Variants in TTC6 observed in about 807,000 individuals in gnomAD.
TTC6 encodes the protein tetratricopeptide repeat domain 6, also known as tetratricopeptide repeat protein 6.
In TTC6, 172 loss-of-function variants were observed where a neutral mutation model predicts 210.4. The ratio of observed to expected loss-of-function variants is 0.82; its 90% CI spans 0.72 to 0.93. TTC6 has a LOEUF of 0.93. TTC6 is among the 40% of genes least tolerant of loss of function. The pLI is 0.00. For synonymous variants in TTC6, 804 were observed against 819.6 expected (o/e 0.98, Z 0.32); for missense variants, 2,414 against 2,318.1 (o/e 1.04, Z -0.85).
exon 27 of TTC6, chr14:37,823,905 A>C: frequency 1.2e-6 from 2 of 1,614,054 alleles, no homozygotes; most frequent in Non-Finnish European, 1.7e-6. Flanking sequence ...AAAGCACTGC[A>C]TATTAATCCA....
intron 14 of TTC6, among the ~76,000 whole-genome samples, chr14:37,766,757 T>A (rs1430680646): frequency 1.3e-5 from 2 of 152,180 alleles, no homozygotes; most frequent in African/African-American, 4.8e-5. Context: ...GAATGGTAAT[T>A]CTGCTTTGAG....
chr14:37,783,626 C>T (rs1359258451), intron 14 of TTC6, among the ~76,000 whole-genome samples: 7 of 152,066 alleles, frequency 4.6e-5, no homozygotes, highest in African/African-American at 1.7e-4. Context: ...GTGTCTCTAT[C>T]TCCCTGAGTT....
At chr14:37,700,939 A>G (rs868228028) in intron 4 of TTC6, among the ~76,000 whole-genome samples, 17 of 152,196 alleles carry the variant, frequency 1.1e-4, no homozygotes, top group Admixed American at 2.0e-4. Flanking sequence ...CTTTAGGGAC[A>G]TTAGCATTTG....
rs1358958409 is a variant in TTC6 at position 37,776,084 on chromosome 14, T to C, written c.3267-11384T>C. On this transcript the variant is annotated intron_variant, in intron 14 of 30. Coordinates refer to ENST00000553443, the Ensembl canonical transcript of TTC6. The stretch of plus-strand genomic sequence containing the variant: ...TTTTTTTTTTGAGACGGAGTCTCGC[T>C]CTGTCGCCCAGGCTGGAGTGCAGTG... Among the ~76,000 whole-genome samples, 4 of 72,080 alleles carry C rather than the reference T, an allele frequency of 5.5e-5. 1 individual carries two copies. The highest frequency in any genetic ancestry group is 1.9e-4 in the African/African-American group (4 of 21,270). 47.3% of individuals were successfully genotyped at this position (72,080 alleles called of 152,430 possible). A position where few individuals can be genotyped will look rare whatever the true frequency, so the allele number is the denominator to read the frequency against.
chr14:37,692,679 A>G (rs1471054088), intron 3 of TTC6, among the ~76,000 whole-genome samples: 1 of 151,744 alleles, frequency 6.6e-6, no homozygotes, highest in African/African-American at 2.4e-5. Flanking sequence ...GCCAACACAG[A>G]GAAACCCCAT....
intron 2 of TTC6, 69 bp downstream of exon 4, chr14:37,680,330 TTTA>T: frequency 9.7e-7 from 1 of 1,032,246 alleles, no homozygotes; most frequent in Non-Finnish European, 1.4e-6. Context: ...TGCTTGAATG[TTTA>T]TATAGAGAGT....
At chr14:37,730,840 T>G (rs2095884036) in intron 7 of TTC6, among the ~76,000 whole-genome samples, 1 of 152,252 alleles carries the variant, frequency 6.6e-6, no homozygotes, top group Non-Finnish European at 1.5e-5. Context: ...CTTCTTGGTC[T>G]TGTTTAAAAT....
rs1402708154 is a variant in TTC6 at position 37,738,771 on chromosome 14, C to CT, written c.1984-4dup. Reference sequence around the variant, plus strand: ...TTTTTTCTACCTCTTTGCTTGCTTACTAAGCGAGTAAAATCTTCTGTAGAC... The same window carrying CT: ...TTTTTTCTACCTCTTTGCTTGCTTACTTAAGCGAGTAAAATCTTCTGTAGAC... On this transcript the variant is annotated splice_polypyrimidine_tract_variant and splice_region_variant and intron_variant, in intron 9 of 30. Transcript: ENST00000553443. 1 of 1,463,800 alleles carries CT rather than the reference C, an allele frequency of 6.8e-7. No homozygotes were observed. The highest frequency in any genetic ancestry group is 2.7e-5 in the Admixed American group (1 of 36,816). 90.7% of individuals were successfully genotyped at this position (1,463,800 alleles called of 1,614,324 possible).
At chr14:37,751,273 G>A (rs545157272) in intron 13 of TTC6, 48 bp downstream of exon 15, 39 of 1,352,610 alleles carry the variant, frequency 2.9e-5, no homozygotes, top group Admixed American at 2.4e-4. Flanking sequence ...TTTAGATTGC[G>A]ATATCCTCAT....
chr14:37,780,328 C>A (rs191652547), intron 14 of TTC6, among the ~76,000 whole-genome samples: 1 of 152,228 alleles, frequency 6.6e-6, no homozygotes, highest in East Asian at 1.9e-4. Flanking sequence ...AGTGGTTTGA[C>A]ACACAGATCA....
intron 3 of TTC6, among the ~76,000 whole-genome samples, chr14:37,695,441 G>T (rs572863773): frequency 2.5e-4 from 38 of 152,204 alleles, no homozygotes; most frequent in Admixed American, 4.6e-4. Flanking sequence ...CGCAACCTAT[G>T]CCTCCCAGGT....
At chr14:37,673,149 C>A (rs962702184) in intron 1 of TTC6, among the ~76,000 whole-genome samples, 1 of 151,976 alleles carries the variant, frequency 6.6e-6, no homozygotes, top group East Asian at 1.9e-4. Context: ...GTCCAGTCAC[C>A]CAGAACAATC....
rs2095672563 is a variant in TTC6 at position 37,632,848 on chromosome 14, T to A, written c.939+9845T>A. 3.3e-5 allele frequency among the ~76,000 whole-genome samples: 5 copies of A among 152,344 alleles called. No individual in the cohort carries two copies. In the South Asian group the frequency reaches 1.0e-3, roughly 32 times the overall value. Reference sequence around the variant, plus strand: ...GAGGAATCTAGAGAGGCAGTCTGGCTACAGCCAAGCTGTGGTGGGCTCTGC... The same window carrying A: ...GAGGAATCTAGAGAGGCAGTCTGGCAACAGCCAAGCTGTGGTGGGCTCTGC... On this transcript the variant is annotated intron_variant, in intron 1 of 30. Coordinates refer to ENST00000553443, the Ensembl canonical transcript of TTC6.
At chr14:37,642,934 A>T (rs2095694790) in intron 1 of TTC6, among the ~76,000 whole-genome samples, 1 of 152,254 alleles carries the variant, frequency 6.6e-6, no homozygotes, top group African/African-American at 2.4e-5. Flanking sequence ...AATGCAGTAT[A>T]ACCTTATGGA....
chr14:37,675,234 A>G (rs1197112745), intron 1 of TTC6, among the ~76,000 whole-genome samples: 2 of 152,088 alleles, frequency 1.3e-5, no homozygotes, highest in African/African-American at 2.4e-5. Context: ...GCCATTCCCT[A>G]TACCCCACAG....
At chr14:37,636,888 A>G (rs956445767) in intron 1 of TTC6, among the ~76,000 whole-genome samples, 1 of 152,232 alleles carries the variant, frequency 6.6e-6, no homozygotes, top group Non-Finnish European at 1.5e-5. Flanking sequence ...GGGAGGTATC[A>G]GTGTACTTTA....
chr14:37,714,724 G>T, exon 6 of TTC6: 2 of 1,535,654 alleles, frequency 1.3e-6, no homozygotes, highest in Non-Finnish European at 1.7e-6. Flanking sequence ...CACCGCAAGG[G>T]ATACCACCTG....
intron 3 of TTC6, among the ~76,000 whole-genome samples, chr14:37,683,826 CT>C (rs1164114616): frequency 6.6e-6 from 1 of 151,956 alleles, no homozygotes; most frequent in Non-Finnish European, 1.5e-5. Context: ...ATTTGAGTCA[CT>C]TTTTTTACTT....
intron 1 of TTC6, among the ~76,000 whole-genome samples, chr14:37,658,689 C>G (rs1227740108): frequency 6.6e-6 from 1 of 152,036 alleles, no homozygotes; most frequent in African/African-American, 2.4e-5. Context: ...ATGCACATAG[C>G]AAAAACTACA....
Sources: allele counts gnomAD v4.1 joint callset (sites outside exome capture counted in the v4.1 genomes callset), GRCh38; gene constraint gnomAD v4.1.1; transcripts MANE v1.5; gene names NCBI Gene and HGNC (gene_info 2026-07-23, HGNC 2026-07-21).